The following SLCO2A1 variants were observed in gnomAD, a reference collection of about 807,000 sequenced individuals.
SLCO2A1 encodes solute carrier organic anion transporter family member 2A1, also known as matrin F/G 1.
SLCO2A1 carries 60 observed loss-of-function variants against 71.7 expected under a neutral mutation model. The observed-to-expected ratio is 0.84, with a 90% CI of 0.68 to 1.04. The LOEUF is 1.04. Among genes scored for constraint, SLCO2A1 ranks in the 50% least tolerant of loss-of-function variants. The pLI, the probability that SLCO2A1 is intolerant of heterozygous loss-of-function variation, is 0.00. For missense variants in SLCO2A1, 745 were observed against 813.4 expected, an observed-to-expected ratio of 0.92 and a Z score of 1.02; for synonymous variants, 308 against 326.7, an observed-to-expected ratio of 0.94 and a Z score of 0.62.
intron 1 of SLCO2A1, among the ~76,000 whole-genome samples, chr3:133,999,471 C>T (rs1044290108): frequency 2.9e-5 from 4 of 139,034 alleles, no homozygotes; most frequent in Non-Finnish European, 4.7e-5. Context: ...TCATGGGAGA[C>T]CAAGGGCCGA....
At chr3:133,965,146 G>A (rs1022788449) in intron 3 of SLCO2A1, among the ~76,000 whole-genome samples, 6 of 152,180 alleles carry the variant, frequency 3.9e-5, no homozygotes, top group African/African-American at 7.2e-5. Flanking sequence ...AACCGTTAGC[G>A]GAGCCAACAT....
chr3:133,981,948 G>A (rs1389821648), intron 1 of SLCO2A1, among the ~76,000 whole-genome samples: 7 of 140,146 alleles, frequency 5.0e-5, no homozygotes, highest in African/African-American at 1.1e-4. Context: ...GCATTCCATC[G>A]TGGGCGACAG....
intron 1 of SLCO2A1, among the ~76,000 whole-genome samples, chr3:133,995,518 C>G (rs1934946340): frequency 2.6e-5 from 4 of 152,210 alleles, no homozygotes; most frequent in Non-Finnish European, 5.9e-5. Flanking sequence ...GGGGCCATCC[C>G]CACTGCCTGG....
intron 3 of SLCO2A1, among the ~76,000 whole-genome samples, chr3:133,962,691 C>G (rs984373672): frequency 1.1e-4 from 16 of 152,318 alleles, no homozygotes; most frequent in Admixed American, 3.9e-4. Flanking sequence ...ACAGCAACCT[C>G]TCATTGCTTC....
chr3:133,952,236 C>T (rs1463910866), intron 5 of SLCO2A1, among the ~76,000 whole-genome samples: 2 of 152,172 alleles, frequency 1.3e-5, no homozygotes, highest in Admixed American at 6.5e-5. Flanking sequence ...CATAAGACAC[C>T]CCCTGGCTTT....
At chr3:133,943,622 A>G (rs190862572) in intron 10 of SLCO2A1, among the ~76,000 whole-genome samples, 1 of 151,688 alleles carries the variant, frequency 6.6e-6, no homozygotes, top group East Asian at 1.9e-4. Flanking sequence ...TTTTTTCTTG[A>G]TATTTTGCTA....
At chr3:134,024,421 A>G (rs1419578833) in intron 1 of SLCO2A1, among the ~76,000 whole-genome samples, 1 of 152,256 alleles carries the variant, frequency 6.6e-6, no homozygotes, top group Non-Finnish European at 1.5e-5. Context: ...TAGATAAACT[A>G]CATCTATTAC....
intron 1 of SLCO2A1, among the ~76,000 whole-genome samples, chr3:134,017,583 T>C (rs1478421341): frequency 1.3e-5 from 2 of 152,350 alleles, no homozygotes; most frequent in East Asian, 1.9e-4. Flanking sequence ...GCAGGCTTCC[T>C]GATGGGCTCA....
Position 133,979,630 on chromosome 3 carries a change from G to C in SLCO2A1, c.97-12C>G, listed in dbSNP as rs1934539309. The C allele has an allele frequency of 6.3e-7, 1 of 1,598,672 alleles. No individual in the cohort carries two copies. The highest frequency in any genetic ancestry group is 1.7e-5 in the Admixed American group (1 of 58,368). ...CAGAGCACAAACACCTGGGGGAAGA[G>C]TGATGGGCCCGTGAGGTTTCTGGAC... is the stretch of plus-strand genomic sequence containing the variant. On this transcript the variant is annotated splice_polypyrimidine_tract_variant and intron_variant, in intron 1 of 13. Transcript: ENST00000310926.
Position 133,947,384 on chromosome 3 carries a change from G to A in SLCO2A1, c.1167C>T (p.Arg389=). Residue 389 remains arginine (R), a synonymous_variant, in exon 9 of 14, where the codon CGC becomes CGT. Coordinates refer to ENST00000310926, the MANE Select transcript of SLCO2A1 (RefSeq NM_005630.3). ...GAATGGCTTGTAGAGAGAAAACAAA[G>A]CGCTTCATGAGGATTCCTCCAAACA... is the stretch of plus-strand genomic sequence containing the variant. ...GMLFGGILMK[R]FVFSLQAIPR... is the part of the protein sequence containing the mutation. The A allele has an allele frequency of 2.5e-6, 4 of 1,614,114 alleles. No homozygotes were observed. Among genetic ancestry groups the A allele is most frequent in the Non-Finnish European group, 3.4e-6 (4 of 1,180,022 alleles).
chr3:133,988,788 C>A (rs182701289), intron 1 of SLCO2A1, among the ~76,000 whole-genome samples: 1 of 152,302 alleles, frequency 6.6e-6, no homozygotes, highest in East Asian at 1.9e-4. Flanking sequence ...CTCTTCTGCT[C>A]TCTAGGCCGA....
At chr3:133,997,528 T>C (rs1576452656) in intron 1 of SLCO2A1, among the ~76,000 whole-genome samples, 1 of 152,122 alleles carries the variant, frequency 6.6e-6, no homozygotes, top group East Asian at 1.9e-4. Flanking sequence ...CATTTGACAA[T>C]CGAGGCAGAA....
At chr3:134,010,841 A>G (rs913898919) in intron 1 of SLCO2A1, among the ~76,000 whole-genome samples, 6 of 151,404 alleles carry the variant, frequency 4.0e-5, no homozygotes, top group East Asian at 3.9e-4. Flanking sequence ...CCATGATCCA[A>G]TCACCTCCCA....
chr3:133,984,884 G>T (rs570012298), intron 1 of SLCO2A1, among the ~76,000 whole-genome samples: 1 of 152,170 alleles, frequency 6.6e-6, no homozygotes, highest in African/African-American at 2.4e-5. Flanking sequence ...TACCAACTGG[G>T]TCTCCTTGAG....
chr3:133,945,854 G>A (rs943694821), intron 9 of SLCO2A1, among the ~76,000 whole-genome samples: 2 of 152,174 alleles, frequency 1.3e-5, no homozygotes, highest in Non-Finnish European at 2.9e-5. Flanking sequence ...TATTTCACTA[G>A]TATAATTATA....
At chr3:133,941,815 C>T (rs867921457) in intron 11 of SLCO2A1, among the ~76,000 whole-genome samples, 2 of 152,102 alleles carry the variant, frequency 1.3e-5, no homozygotes, top group Non-Finnish European at 2.9e-5. Flanking sequence ...AAACTTTCCA[C>T]GTTTTCCTGC....
rs138399351 is a variant in SLCO2A1, at chr3:134,006,724, T to G, written c.96+22983A>C. 2.2e-3 allele frequency among the ~76,000 whole-genome samples: 338 copies of G among 152,362 alleles called. 1 individual carries two copies. The highest frequency in any genetic ancestry group is 7.7e-3 in the African/African-American group (321 of 41,594). On this transcript the variant is annotated intron_variant, in intron 1 of 13. Coordinates refer to ENST00000310926, the MANE Select transcript of SLCO2A1 (RefSeq NM_005630.3). ...ACATTTTGTTTATCCATTTATCTAT[T>G]GATGGACATCTGGGTTATTTCCACG...
intron 1 of SLCO2A1, among the ~76,000 whole-genome samples, chr3:133,983,636 A>G (rs1295121989): frequency 6.6e-6 from 1 of 152,130 alleles, no homozygotes. Flanking sequence ...TGTCTGGATA[A>G]CTTCCCCTGC....
chr3:133,994,733 A>G (rs982111462), intron 1 of SLCO2A1, among the ~76,000 whole-genome samples: 1 of 151,984 alleles, frequency 6.6e-6, no homozygotes, highest in Non-Finnish European at 1.5e-5. Context: ...TTCAACTCTG[A>G]CTTCCCCTCA....
Sources: gnomAD v4.1 joint callset for allele counts (sites outside exome capture counted in the v4.1 genomes callset) on GRCh38, gnomAD v4.1.1 for gene constraint, MANE v1.5 for transcripts, NCBI Gene and HGNC (gene_info 2026-07-23, HGNC 2026-07-21) for gene names.